Variants in RSPO3 observed in about 807,000 individuals in gnomAD.
The protein encoded by RSPO3 is R-spondin-3.
RSPO3 carries 17 observed loss-of-function variants against 36.5 expected under a neutral mutation model. The ratio of observed to expected loss-of-function variants is 0.47; its 90% confidence interval spans 0.32 to 0.70. The LOEUF (loss-of-function observed/expected upper bound fraction) is 0.70, where lower values mean the gene tolerates loss of function less well. Ranked by LOEUF, RSPO3 falls within the 30% of genes least tolerant of loss-of-function variation. RSPO3 has a pLI of 0.04. For missense variants in RSPO3, 294 were observed against 322.5 expected (o/e 0.91, Z 0.68); for synonymous variants, 108 against 107.0 (o/e 1.01, Z -0.06).
rs1775568068 is a variant in RSPO3 at position 127,198,999 on chromosome 6, A to C, written c.*2992A>C. ...ACATTAGTGGTTATTAAATATTGAA[A>C]TAACACTGGGAAGAAAAAGCATATA... On this transcript the variant is annotated 3_prime_UTR_variant, in exon 5 of 5. Coordinates refer to ENST00000356698, the MANE Select transcript of RSPO3 (RefSeq NM_032784.5). 6.6e-6 allele frequency among the ~76,000 whole-genome samples: 1 copy of C among 152,252 alleles called. No individual in the cohort carries two copies.
At chr6:127,119,401 T>A in intron 1 of RSPO3, 112 bp downstream of exon 1, 1 of 770,030 alleles carries the variant, frequency 1.3e-6, no homozygotes, top group Non-Finnish European at 2.2e-6. Context: ...GCCCTGCGCC[T>A]CGCAGAGGAG....
At chr6:127,130,201 C>T (rs1368424805) in intron 1 of RSPO3, among the ~76,000 whole-genome samples, 5 of 152,110 alleles carry the variant, frequency 3.3e-5, no homozygotes. Flanking sequence ...TATTCTTGCT[C>T]AATACCCAAA....
chr6:127,190,353 G>C (rs545977393), intron 4 of RSPO3, among the ~76,000 whole-genome samples: 154 of 152,222 alleles, frequency 1.0e-3, no homozygotes, highest in Non-Finnish European at 1.7e-3. Flanking sequence ...ACTTGAACCT[G>C]GGAGGCAGAG....
intron 4 of RSPO3, 47 bp downstream of exon 4, chr6:127,155,485 GTTGCATTTTTCATT>G (rs1774577852): frequency 6.5e-7 from 1 of 1,537,880 alleles, no homozygotes; most frequent in African/African-American, 1.4e-5. Context: ...CTCATAATCT[GTTGCATTTTTCATT>G]TTATTTCTTA....
At chr6:127,134,523 C>T (rs1774115442) in intron 1 of RSPO3, among the ~76,000 whole-genome samples, 1 of 152,162 alleles carries the variant, frequency 6.6e-6, no homozygotes, top group African/African-American at 2.4e-5. Context: ...ACATACAAGT[C>T]AATCTACTTA....
In RSPO3 at chr6:127,192,881, A is replaced by AAT. The variant is rs1187267280; in HGVS notation, c.635-2941_635-2940insTA. On this transcript the variant is annotated intron_variant, in intron 4 of 4. Coordinates refer to ENST00000356698, the MANE Select transcript of RSPO3 (RefSeq NM_032784.5). Reference sequence around the variant, plus strand: ...AAAAAATATTAACCACATCAATGAAAAGTCACCAGAATAAAAAAGGAAGTC... The same window carrying AAT: ...AAAAAATATTAACCACATCAATGAAAATAGTCACCAGAATAAAAAAGGAAGTC... Among the ~76,000 whole-genome samples, 18 of 152,126 alleles carry AAT rather than the reference A, an allele frequency of 1.2e-4. 1 individual carries two copies. The highest frequency in any genetic ancestry group is 3.9e-4 in the Admixed American group (6 of 15,260).
chr6:127,155,139 T>C (rs1430826124), intron 3 of RSPO3, 102 bp from the exon 4 acceptor site: 1 of 1,134,494 alleles, frequency 8.8e-7, no homozygotes, highest in African/African-American at 1.5e-5. Flanking sequence ...AAGATTCTTC[T>C]CAAATGTGGG....
At chr6:127,134,870 TA>T (rs1260206504) in intron 1 of RSPO3, among the ~76,000 whole-genome samples, 49 of 152,308 alleles carry the variant, frequency 3.2e-4, no homozygotes, top group African/African-American at 1.2e-3. Context: ...ATGGTAAACC[TA>T]AACTGTACAT....
At chr6:127,149,920 G>A (rs930438452) in intron 2 of RSPO3, among the ~76,000 whole-genome samples, 1 of 151,930 alleles carries the variant, frequency 6.6e-6, no homozygotes, top group African/African-American at 2.4e-5. Flanking sequence ...ATTGTTTACT[G>A]TATCTCCTCT....
chr6:127,154,081 G>T (rs1774545518), intron 3 of RSPO3, among the ~76,000 whole-genome samples: 1 of 152,118 alleles, frequency 6.6e-6, no homozygotes, highest in Admixed American at 6.6e-5. Context: ...GAAAGTGTCT[G>T]AAAAGTCCTG....
At chr6:127,178,600 G>T (rs746258134) in intron 4 of RSPO3, among the ~76,000 whole-genome samples, 7 of 151,430 alleles carry the variant, frequency 4.6e-5, no homozygotes, top group Non-Finnish European at 1.0e-4. Context: ...ACACACACAT[G>T]TTTTGTGAAC....
In RSPO3 at chr6:127,132,618, G is replaced by A. The variant is rs531655990; in HGVS notation, c.97+13329G>A. On this transcript the variant is annotated intron_variant, in intron 1 of 4. Transcript: ENST00000356698. ...TAACATATCTGAGATCTGATCTGATGTAAGCTCTGGTATCCATATTATTAT... is the reference window on the plus strand; with the variant it reads ...TAACATATCTGAGATCTGATCTGATATAAGCTCTGGTATCCATATTATTAT... Among the ~76,000 whole-genome samples the A allele has an allele frequency of 8.5e-5, 13 of 152,150 alleles. 1 individual carries two copies. The South Asian group carries it at 2.5e-3, about 29-fold the overall frequency.
intron 1 of RSPO3, among the ~76,000 whole-genome samples, chr6:127,139,141 A>C (rs1197326938): frequency 6.6e-6 from 1 of 152,210 alleles, no homozygotes; most frequent in African/African-American, 2.4e-5. Flanking sequence ...ATTCTTCTTC[A>C]ATTCTGTTAG....
Position 127,198,300 on chromosome 6 carries a change from T to G in RSPO3, c.*2293T>G, listed in dbSNP as rs1775555173. On this transcript the variant is annotated 3_prime_UTR_variant, in exon 5 of 5. Transcript: ENST00000356698. ...AAATAAAAACTAACATTCATTTTCA[T>G]ATGTTGGATGAAATATAAATGAAGA... 6.6e-6 allele frequency among the ~76,000 whole-genome samples: 1 copy of G among 152,244 alleles called. No individual in the cohort carries two copies. The highest frequency in any genetic ancestry group is 1.9e-4 in the East Asian group (1 of 5,202).
At chr6:127,150,621 T>C (rs572356567) in intron 3 of RSPO3, 49 bp downstream of exon 3, 4 of 1,544,280 alleles carry the variant, frequency 2.6e-6, no homozygotes, top group African/African-American at 1.4e-5. Flanking sequence ...TCAGTCTCCA[T>C]GGAGGTGCTT....
chr6:127,129,558 G>A (rs763710683), intron 1 of RSPO3, among the ~76,000 whole-genome samples: 1 of 152,036 alleles, frequency 6.6e-6, no homozygotes, highest in African/African-American at 2.4e-5. Flanking sequence ...TTGCTCCAAC[G>A]TCAGACCTAG....
intron 3 of RSPO3, among the ~76,000 whole-genome samples, chr6:127,153,141 C>T (rs539167652): frequency 6.6e-6 from 1 of 152,110 alleles, no homozygotes; most frequent in African/African-American, 2.4e-5. Context: ...ACATGTGCTT[C>T]ATTTGCTTCA....
At chr6:127,177,592 G>A (rs1428626124) in intron 4 of RSPO3, among the ~76,000 whole-genome samples, 1 of 151,836 alleles carries the variant, frequency 6.6e-6, no homozygotes, top group Non-Finnish European at 1.5e-5. Context: ...TAATGATAAG[G>A]TATAAGCATA....
chr6:127,131,466 G>C (rs2114549208), intron 1 of RSPO3, among the ~76,000 whole-genome samples: 1 of 152,094 alleles, frequency 6.6e-6, no homozygotes, highest in South Asian at 2.1e-4. Context: ...TAATTCACAA[G>C]CTGTTGGGCT....
Sources: allele counts gnomAD v4.1 joint callset (sites outside exome capture counted in the v4.1 genomes callset), GRCh38; gene constraint gnomAD v4.1.1; transcripts MANE v1.5; gene names NCBI Gene and HGNC (gene_info 2026-07-23, HGNC 2026-07-21).